Variants in LRIG1 observed in about 807,000 individuals in gnomAD.
LRIG1 encodes leucine rich repeats and immunoglobulin like domains 1.
A neutral mutation model predicts 99.2 loss-of-function variants in LRIG1; 48 were observed. The observed-to-expected ratio is 0.48, with a 90% CI of 0.38 to 0.62. LRIG1 has a LOEUF of 0.62. Ranked by LOEUF, LRIG1 falls within the 20% of genes least tolerant of loss-of-function variation. LRIG1 has a pLI of 0.00. For synonymous variants in LRIG1, 772 were observed against 596.1 expected (o/e 1.29, Z -4.30); for missense variants, 1,646 against 1,434.4 (o/e 1.15, Z -2.38).
chr3:66,381,457 T>A, intron 17 of LRIG1, 22 bp downstream of exon 17: 5 of 1,599,680 alleles, frequency 3.1e-6, no homozygotes, highest in Non-Finnish European at 3.4e-6. Context: ...AGAAACTACT[T>A]CCAATGGGAA....
At chr3:66,453,091 C>A (rs1703959491) in intron 2 of LRIG1, among the ~76,000 whole-genome samples, 1 of 152,212 alleles carries the variant, frequency 6.6e-6, no homozygotes, top group African/African-American at 2.4e-5. Context: ...ACTGAAAACT[C>A]CCCATTAGTC....
chr3:66,462,042 G>A (rs1007608578), intron 2 of LRIG1, among the ~76,000 whole-genome samples: 12 of 152,110 alleles, frequency 7.9e-5, no homozygotes, highest in South Asian at 2.1e-4. Flanking sequence ...GCCAGAGTTC[G>A]AGACCAGCCT....
At position 66,379,170 on chromosome 3, in the gene LRIG1, T is replaced by G. The variant is rs1700878560; in HGVS notation, c.*1093A>C. On this transcript the variant is annotated 3_prime_UTR_variant, in exon 19 of 19. Coordinates refer to ENST00000273261, the MANE Select transcript of LRIG1 (RefSeq NM_015541.3). ...AAATGACACATTGGCACTCATAAGA[T>G]GGTTAGCTACCAGTCTCAAAAGTGC... 1 of 152,670 alleles carries G rather than the reference T, an allele frequency of 6.6e-6. No individual in the cohort carries two copies. Among genetic ancestry groups the G allele is most frequent in the Admixed American group, 6.5e-5 (1 of 15,284 alleles). 9.5% of individuals were successfully genotyped at this position (152,670 alleles called of 1,614,324 possible).
intron 9 of LRIG1, 41 bp from the exon 10 acceptor site, chr3:66,399,082 A>T (rs1701961454): frequency 1.3e-6 from 2 of 1,483,538 alleles, no homozygotes; most frequent in African/African-American, 2.8e-5. Context: ...CCAGGGAAGG[A>T]AAGCGAAACA....
chr3:66,380,809 G>GTAAC lies in LRIG1; in HGVS notation c.2819_2822dup (p.Tyr941Ter). The stretch of plus-strand genomic sequence containing the variant: ...GGGGGTGGAAGGCTTGTCCCCTGGA[G>GTAAC]TAACAGTCCACTTCGGTGTTGCAGT... On this transcript the variant is annotated stop_gained and frameshift_variant, in exon 18 of 19. Coordinates refer to ENST00000273261, the MANE Select transcript of LRIG1 (RefSeq NM_015541.3). LOFTEE classifies it high-confidence loss of function. The GTAAC allele has an allele frequency of 3.7e-6, 6 of 1,614,230 alleles. No homozygotes were observed. Among genetic ancestry groups the GTAAC allele is most frequent in the Non-Finnish European group, 5.1e-6 (6 of 1,180,052 alleles).
At chr3:66,500,007 G>A (rs1038470808) in intron 1 of LRIG1, among the ~76,000 whole-genome samples, 183 bp downstream of exon 1, 3 of 151,400 alleles carry the variant, frequency 2.0e-5, no homozygotes, top group African/African-American at 7.3e-5. Flanking sequence ...CTACTCCCCC[G>A]GACCTCCACG....
chr3:66,386,335 G>C, intron 12 of LRIG1, 34 bp from the exon 13 acceptor site: 8 of 1,575,184 alleles, frequency 5.1e-6, no homozygotes, highest in Non-Finnish European at 7.0e-6. Context: ...AAAGCGCTGG[G>C]TTCTTGGTAC....
chr3:66,388,233 T>C (rs1701477060), intron 12 of LRIG1: 1 of 146,990 alleles, frequency 6.8e-6, no homozygotes, highest in Admixed American at 6.8e-5. Context: ...AAATGAAAAA[T>C]TCACTAGAGG....
At chr3:66,420,152 T>G (rs1315947839) in intron 3 of LRIG1, among the ~76,000 whole-genome samples, 3 of 152,174 alleles carry the variant, frequency 2.0e-5, no homozygotes, top group Non-Finnish European at 2.9e-5. Context: ...TGAACATTGT[T>G]CCAAAGAAAA....
intron 10 of LRIG1, among the ~76,000 whole-genome samples, chr3:66,398,553 G>A (rs1221873705): frequency 6.6e-6 from 1 of 152,234 alleles, no homozygotes; most frequent in Non-Finnish European, 1.5e-5. Context: ...CAGGGTCTCA[G>A]AAGCAACCAC....
rs554452370 is a variant in LRIG1, at chr3:66,402,063, C to A, written c.1161-3022G>T. 3.9e-5 allele frequency among the ~76,000 whole-genome samples: 6 copies of A among 152,272 alleles called. No individual in the cohort carries two copies. The South Asian group carries it at 8.3e-4, about 21-fold the overall frequency. On this transcript the variant is annotated intron_variant, in intron 9 of 18. Transcript: ENST00000273261. The stretch of plus-strand genomic sequence containing the variant: ...GGGATGGAGGCTGCGCTCACATCAG[C>A]TCTGCAAGATCCCCCAAACATGCCC...
At chr3:66,423,792 G>A (rs1424432220) in intron 3 of LRIG1, among the ~76,000 whole-genome samples, 2 of 152,282 alleles carry the variant, frequency 1.3e-5, no homozygotes, top group Admixed American at 6.5e-5. Flanking sequence ...TCACAGGTGT[G>A]AACCTCAGAA....
intron 3 of LRIG1, among the ~76,000 whole-genome samples, chr3:66,436,409 AGG>A (rs1230936275): frequency 1.3e-5 from 2 of 152,230 alleles, no homozygotes; most frequent in African/African-American, 4.8e-5. Flanking sequence ...AAAGCGGCTT[AGG>A]AGAGATGATA....
Position 66,382,993 on chromosome 3 carries a change from A to G in LRIG1, c.2480T>C (p.Val827Ala). ...QTRKKSEEYS[V>A]TNTDETVVPP... ...TGGCAGGGCCTGACCTGTGTTGGTGACACTGTACTCTTCACTCTTCTTCCT... is the reference window on the plus strand; with the variant it reads ...TGGCAGGGCCTGACCTGTGTTGGTGGCACTGTACTCTTCACTCTTCTTCCT... The change falls in exon 15 of 19, where the codon GTC becomes GCC. Residue 827 changes from valine (V) to alanine (A), a missense_variant. Physicochemically the swap from Val to Ala is moderately conservative, Grantham distance 64. Coordinates refer to ENST00000273261, the MANE Select transcript of LRIG1 (RefSeq NM_015541.3). 1 of 1,610,992 alleles carries G rather than the reference A, an allele frequency of 6.2e-7. No homozygotes were observed. Among genetic ancestry groups the G allele is most frequent in the Non-Finnish European group, 8.5e-7 (1 of 1,177,934 alleles).
rs555664086 is a variant in LRIG1 at position 66,398,903 on chromosome 3, T to A, written c.1232+67A>T. 8.5e-4 allele frequency: 1,123 copies of A among 1,324,450 alleles called. 1 individual carries two copies. Among genetic ancestry groups the A allele is most frequent in the Middle Eastern group, 1.8e-3 (10 of 5,476 alleles). The allele number at this position is 1,324,450 out of a possible 1,614,324, so 82.0% of individuals were successfully genotyped here. Reference sequence around the variant, plus strand: ...GTTTACAAAGATGCGATTAAATTGCTAGCAGAACTCCCCGGCAGCCGCATT... The same window carrying A: ...GTTTACAAAGATGCGATTAAATTGCAAGCAGAACTCCCCGGCAGCCGCATT... On this transcript the variant is annotated intron_variant, in intron 10 of 18. Transcript: ENST00000273261.
chr3:66,481,894 G>C (rs945937041), intron 1 of LRIG1, among the ~76,000 whole-genome samples: 1 of 152,184 alleles, frequency 6.6e-6, no homozygotes, highest in Admixed American at 6.5e-5. Flanking sequence ...TCTAAACATG[G>C]GCTCGCTTGC....
intron 1 of LRIG1, among the ~76,000 whole-genome samples, chr3:66,471,562 C>G (rs560478442): frequency 6.6e-6 from 1 of 152,320 alleles, no homozygotes; most frequent in East Asian, 1.9e-4. Context: ...CTCATCCATC[C>G]CAACCAGCAG....
chr3:66,381,687 C>A, intron 16 of LRIG1, 56 bp from the exon 17 acceptor site: 1 of 1,577,664 alleles, frequency 6.3e-7, no homozygotes, highest in South Asian at 1.1e-5. Flanking sequence ...TCACAGTAAG[C>A]CTTATGAAAG....
intron 3 of LRIG1, among the ~76,000 whole-genome samples, chr3:66,437,007 C>T (rs1703382051): frequency 6.6e-6 from 1 of 152,194 alleles, no homozygotes; most frequent in Non-Finnish European, 1.5e-5. Context: ...GAACACAGAG[C>T]ACTCTTTTCC....
Sources: allele counts gnomAD v4.1 joint callset (sites outside exome capture counted in the v4.1 genomes callset), GRCh38; gene constraint gnomAD v4.1.1; transcripts MANE v1.5; gene names NCBI Gene and HGNC (gene_info 2026-07-23, HGNC 2026-07-21).